Variants in FER observed in about 807,000 individuals in gnomAD.
FER encodes FER tyrosine kinase, also known as tyrosine-protein kinase Fer.
Under a neutral mutation model 111.0 loss-of-function variants are expected in FER, and 63 were observed. That is an observed-to-expected ratio of 0.57 (90% CI 0.46 to 0.70). FER has a LOEUF of 0.70. Among genes scored for constraint, FER ranks in the 30% least tolerant of loss-of-function variants. The pLI is 0.00. For missense variants in FER, 914 were observed against 954.0 expected (o/e 0.96, Z 0.55); for synonymous variants, 327 against 313.9 (o/e 1.04, Z -0.44).
intron 5 of FER, among the ~76,000 whole-genome samples, chr5:108,838,410 G>A (rs144810495): frequency 1.3e-5 from 2 of 152,302 alleles, no homozygotes; most frequent in Admixed American, 6.5e-5. Context: ...CTAACATAGA[G>A]CATCCAATTA....
intron 17 of FER, among the ~76,000 whole-genome samples, chr5:109,167,934 T>C (rs1288751944): frequency 6.6e-6 from 1 of 152,108 alleles, no homozygotes; most frequent in Non-Finnish European, 1.5e-5. Context: ...AAATGAATTA[T>C]ATGAGAGAAA....
chr5:109,180,666 T>G, intron 17 of FER, 81 bp from the exon 18 acceptor site: 1 of 1,449,510 alleles, frequency 6.9e-7, no homozygotes, highest in Non-Finnish European at 9.3e-7. Flanking sequence ...AATGTAAAAA[T>G]GCAAAGTGTG....
In FER at chr5:109,137,915, C is replaced by T. The variant is rs78257608; in HGVS notation, c.2048+37396C>T. ...CCCATTAGCTAGTGTCTTGATTTAA[C>T]TTGGGAATGCTATCCTGGCCTATTT... On this transcript the variant is annotated intron_variant, in intron 17 of 19. Transcript: ENST00000281092. Among the ~76,000 whole-genome samples the T allele has an allele frequency of 7.8e-3, 1,190 of 152,286 alleles. 10 individuals are homozygous for T. The highest frequency in any genetic ancestry group is 0.017 in the Middle Eastern group (5 of 294).
chr5:109,139,779 G>A (rs890185922), intron 17 of FER, among the ~76,000 whole-genome samples: 3 of 151,896 alleles, frequency 2.0e-5, no homozygotes, highest in African/African-American at 7.3e-5. Flanking sequence ...ATCAATCTGG[G>A]AATAAGAATT....
chr5:108,821,848 T>G (rs1382872666), intron 3 of FER, among the ~76,000 whole-genome samples: 1 of 152,118 alleles, frequency 6.6e-6, no homozygotes, highest in Non-Finnish European at 1.5e-5. Context: ...ATTATTTCTT[T>G]TCATGAGGAG....
chr5:109,160,719 G>A (rs1428931380), intron 17 of FER, among the ~76,000 whole-genome samples: 1 of 152,126 alleles, frequency 6.6e-6, no homozygotes, highest in African/African-American at 2.4e-5. Flanking sequence ...TCTTCTCTGA[G>A]TCTGTTTTTG....
intron 1 of FER, among the ~76,000 whole-genome samples, chr5:108,762,446 C>T (rs184857683): frequency 6.6e-6 from 1 of 152,304 alleles, no homozygotes; most frequent in Non-Finnish European, 1.5e-5. Flanking sequence ...TCTCCTTCTG[C>T]ATGATTCCTA....
intron 10 of FER, among the ~76,000 whole-genome samples, chr5:108,902,147 A>C (rs1323007086): frequency 6.6e-6 from 1 of 152,146 alleles, no homozygotes; most frequent in Admixed American, 6.5e-5. Flanking sequence ...GGGGGAATAA[A>C]TTCATTTGAA....
intron 13 of FER, among the ~76,000 whole-genome samples, chr5:108,995,091 A>G (rs757233570): frequency 1.6e-4 from 24 of 151,960 alleles, no homozygotes; most frequent in Non-Finnish European, 2.8e-4. Flanking sequence ...TCCTATTTGT[A>G]TACCCTCTAT....
intron 2 of FER, among the ~76,000 whole-genome samples, chr5:108,788,916 A>T (rs1755049112): frequency 6.6e-6 from 1 of 152,204 alleles, no homozygotes; most frequent in Non-Finnish European, 1.5e-5. Context: ...TGTTCACTAA[A>T]TCCATTCACT....
chr5:109,075,462 C>T (rs1194092157), intron 16 of FER, among the ~76,000 whole-genome samples: 1 of 144,270 alleles, frequency 6.9e-6, no homozygotes, highest in Non-Finnish European at 1.5e-5. Context: ...CAGAGTCTCG[C>T]TCTGTCACCC....
intron 13 of FER, among the ~76,000 whole-genome samples, chr5:109,002,143 A>G (rs1289053719): frequency 6.6e-6 from 1 of 151,448 alleles, no homozygotes; most frequent in Non-Finnish European, 1.5e-5. Context: ...ATATGGAACC[A>G]AAAAAGAGCC....
At chr5:108,909,101 AATGT>A (rs1751197973) in intron 10 of FER, among the ~76,000 whole-genome samples, 1 of 152,158 alleles carries the variant, frequency 6.6e-6, no homozygotes, top group South Asian at 2.1e-4. Context: ...GATTTTTGAC[AATGT>A]ATGTAGTGAA....
At chr5:108,906,063 A>G (rs72791999) in intron 10 of FER, among the ~76,000 whole-genome samples, 3,246 of 152,318 alleles carry the variant, frequency 0.021, 44 homozygotes, top group Non-Finnish European at 0.032. Flanking sequence ...AGTGCAGGGT[A>G]TAAGCCAAGT....
chr5:108,881,463 G>A (rs1005818854), intron 8 of FER, among the ~76,000 whole-genome samples: 1 of 152,098 alleles, frequency 6.6e-6, no homozygotes, highest in African/African-American at 2.4e-5. Flanking sequence ...ACCTCCCACT[G>A]GGTCCCTCTC....
intron 16 of FER, among the ~76,000 whole-genome samples, chr5:109,079,929 G>A (rs1418984456): frequency 1.3e-5 from 2 of 152,106 alleles, no homozygotes. Context: ...ATTAATTACA[G>A]AAAGTAGTTT....
At chr5:109,174,686 G>GT (rs937065280) in intron 17 of FER, among the ~76,000 whole-genome samples, 10 of 152,154 alleles carry the variant, frequency 6.6e-5, no homozygotes, top group Admixed American at 2.6e-4. Flanking sequence ...TTGTTTTGTT[G>GT]TTTTTTAGGG....
At chr5:109,145,166 TC>T in intron 17 of FER, among the ~76,000 whole-genome samples, 1 of 152,088 alleles carries the variant, frequency 6.6e-6, no homozygotes, top group East Asian at 1.9e-4. Flanking sequence ...CTCTCTCCCT[TC>T]CTGGTAAACT....
At chr5:108,761,902 T>C (rs1444310437) in intron 1 of FER, among the ~76,000 whole-genome samples, 1 of 152,054 alleles carries the variant, frequency 6.6e-6, no homozygotes, top group African/African-American at 2.4e-5. Context: ...TTATTTCTAG[T>C]ATAATTATTA....
Sources: gnomAD v4.1 joint callset for allele counts (sites outside exome capture counted in the v4.1 genomes callset) on GRCh38, gnomAD v4.1.1 for gene constraint, MANE v1.5 for transcripts, NCBI Gene and HGNC (gene_info 2026-07-23, HGNC 2026-07-21) for gene names.